Variants in RIMBP2 observed in about 807,000 individuals in gnomAD.
RIMBP2 encodes the protein RIMS-binding protein 2.
Under a neutral mutation model 118.6 loss-of-function variants are expected in RIMBP2, and 48 were observed. The ratio of observed to expected loss-of-function variants is 0.40; its 90% confidence interval spans 0.32 to 0.51. RIMBP2 has a LOEUF of 0.51. Among genes scored for constraint, RIMBP2 ranks in the 20% least tolerant of loss-of-function variants. RIMBP2 has a pLI of 0.41. For missense variants in RIMBP2, 1,551 were observed against 1,768.3 expected (o/e 0.88, Z 2.20); for synonymous variants, 762 against 742.9 (o/e 1.03, Z -0.42).
At chr12:130,547,118 T>C (rs967248268) in intron 2 of RIMBP2, among the ~76,000 whole-genome samples, 10 of 152,246 alleles carry the variant, frequency 6.6e-5, no homozygotes, top group African/African-American at 2.2e-4. Context: ...CTGTTTCTTA[T>C]GTCTGTGTCT....
intron 2 of RIMBP2, among the ~76,000 whole-genome samples, chr12:130,595,466 C>T (rs1007046809): frequency 2.6e-5 from 4 of 152,176 alleles, no homozygotes; most frequent in East Asian, 1.9e-4. Context: ...AGGAGAATGG[C>T]GTGAACCCAG....
At chr12:130,579,278 A>G (rs1269778925) in intron 2 of RIMBP2, among the ~76,000 whole-genome samples, 1 of 152,110 alleles carries the variant, frequency 6.6e-6, no homozygotes, top group African/African-American at 2.4e-5. Flanking sequence ...TGTGGTTTGG[A>G]CTAGGTGTCT....
At chr12:130,512,951 G>A (rs1233011563) in intron 3 of RIMBP2, among the ~76,000 whole-genome samples, 2 of 152,038 alleles carry the variant, frequency 1.3e-5, no homozygotes, top group Non-Finnish European at 2.9e-5. Context: ...ATGTCTATGT[G>A]TGTCATCCTT....
intron 5 of RIMBP2, among the ~76,000 whole-genome samples, chr12:130,473,013 C>T (rs1352926891): frequency 1.3e-5 from 2 of 152,072 alleles, no homozygotes; most frequent in African/African-American, 4.8e-5. Flanking sequence ...ATAAATGATG[C>T]CACCATTGAC....
chr12:130,675,109 C>T (rs2064392015), intron 1 of RIMBP2, among the ~76,000 whole-genome samples: 4 of 152,204 alleles, frequency 2.6e-5, no homozygotes, highest in African/African-American at 9.7e-5. Context: ...CAAAAGGGCA[C>T]AGCCGGGACT....
At chr12:130,432,165 T>A (rs1363424303) in intron 14 of RIMBP2, 1 of 451,958 alleles carries the variant, frequency 2.2e-6, no homozygotes. Flanking sequence ...GGGAAGGTGA[T>A]GATTCACTCC....
intron 1 of RIMBP2, among the ~76,000 whole-genome samples, chr12:130,662,113 C>A (rs1354078188): frequency 6.6e-6 from 1 of 152,058 alleles, no homozygotes; most frequent in East Asian, 1.9e-4. Flanking sequence ...GCACTCCCTC[C>A]CAGGTGCATT....
chr12:130,418,163 T>C (rs932639494), intron 17 of RIMBP2, among the ~76,000 whole-genome samples: 1 of 152,236 alleles, frequency 6.6e-6, no homozygotes, highest in Non-Finnish European at 1.5e-5. Context: ...CAGGAAAGGT[T>C]GAATTTTAAA....
rs151164454 is a variant in RIMBP2, at chr12:130,523,455, G to A, written c.-216-5538C>T. Among the ~76,000 whole-genome samples the A allele has an allele frequency of 9.1e-4, 139 of 152,304 alleles. 1 individual carries two copies. The highest frequency in any genetic ancestry group is 3.2e-3 in the African/African-American group (131 of 41,556). ...AGTGTATAGCCTCTGCTAAAGCAACGAGACATGGACAGGAGCCTTCACAGT... is the reference window on the plus strand; with the variant it reads ...AGTGTATAGCCTCTGCTAAAGCAACAAGACATGGACAGGAGCCTTCACAGT... On this transcript the variant is annotated intron_variant, in intron 2 of 22. Transcript: ENST00000690449. The surrounding 1 kb of genome is among the most constrained non-coding windows in gnomAD (Gnocchi z 4.4).
At chr12:130,663,960 C>A (rs773569534) in intron 1 of RIMBP2, among the ~76,000 whole-genome samples, 1 of 151,670 alleles carries the variant, frequency 6.6e-6, no homozygotes, top group Non-Finnish European at 1.5e-5. Flanking sequence ...AAGAACTGTG[C>A]AGGACCTGAG....
chr12:130,585,431 A>G (rs1342000753), intron 2 of RIMBP2, among the ~76,000 whole-genome samples: 1 of 152,074 alleles, frequency 6.6e-6, no homozygotes, highest in Non-Finnish European at 1.5e-5. Flanking sequence ...CACACATGAA[A>G]ATGGAAAATG....
intron 6 of RIMBP2, among the ~76,000 whole-genome samples, chr12:130,461,156 C>T (rs1193331886): frequency 8.5e-5 from 13 of 152,290 alleles, no homozygotes; most frequent in African/African-American, 2.6e-4. Context: ...GCCCTAGCCA[C>T]ACTGCCCTGC....
At chr12:130,418,442 TGGA>T (rs1411114798) in intron 17 of RIMBP2, among the ~76,000 whole-genome samples, 1 of 152,002 alleles carries the variant, frequency 6.6e-6, no homozygotes, top group Non-Finnish European at 1.5e-5. Context: ...GGGATGATGG[TGGA>T]GAACAGCTGT....
At chr12:130,480,763 G>A (rs1593462983) in intron 4 of RIMBP2, among the ~76,000 whole-genome samples, 1 of 152,218 alleles carries the variant, frequency 6.6e-6, no homozygotes, top group East Asian at 1.9e-4. Context: ...ACCATGCTGG[G>A]CTAATTTTTG....
At chr12:130,706,825 T>C (rs1486814946) in intron 1 of RIMBP2, among the ~76,000 whole-genome samples, 1 of 152,152 alleles carries the variant, frequency 6.6e-6, no homozygotes, top group Non-Finnish European at 1.5e-5. Flanking sequence ...ACCAAAATTA[T>C]CATGCAGTGA....
In RIMBP2 at chr12:130,424,499, CCCA is replaced by C; in HGVS notation, c.2769_2771del (p.Cys923_Gly924delinsTrp). 4.9e-6 allele frequency: 6 copies of C among 1,232,086 alleles called. No individual in the cohort carries two copies. The highest frequency in any genetic ancestry group is 5.1e-6 in the Non-Finnish European group (5 of 987,872). 76.3% of individuals were successfully genotyped at this position (1,232,086 alleles called of 1,614,324 possible). A position where few individuals can be genotyped will look rare whatever the true frequency, so the allele number is the denominator to read the frequency against. ...CAAACCGCGACTCGTCCTCTTCACTCCCACAGTCCAGGCCGCTGTCCGGGCTCC... is the reference window on the plus strand; with the variant it reads ...CAAACCGCGACTCGTCCTCTTCACTCCAGTCCAGGCCGCTGTCCGGGCTCC... On this transcript the variant is annotated inframe_deletion, in exon 16 of 23. Transcript: ENST00000690449. The surrounding 1 kb of genome is among the most constrained non-coding windows in gnomAD (Gnocchi z 9.8).
intron 1 of RIMBP2, among the ~76,000 whole-genome samples, chr12:130,645,866 T>C (rs997130558): frequency 2.6e-5 from 4 of 152,288 alleles, no homozygotes; most frequent in African/African-American, 7.2e-5. Context: ...ACCAACTCTT[T>C]ACAGTTTAGT....
intron 2 of RIMBP2, among the ~76,000 whole-genome samples, chr12:130,614,512 G>C (rs1249573047): frequency 6.6e-6 from 1 of 152,140 alleles, no homozygotes; most frequent in African/African-American, 2.4e-5. Flanking sequence ...TTGATTCCTG[G>C]AGTCTTTCTG....
At position 130,424,923 on chromosome 12, in the gene RIMBP2, CA is replaced by C. The variant is rs1252330389; in HGVS notation, c.2413-66del. 1.8e-5 allele frequency: 18 copies of C among 994,180 alleles called. No homozygotes were observed. The highest frequency in any genetic ancestry group is 4.3e-5 in the Admixed American group (1 of 23,262). 61.6% of individuals were successfully genotyped at this position (994,180 alleles called of 1,614,324 possible). A position where few individuals can be genotyped will look rare whatever the true frequency, so the allele number is the denominator to read the frequency against. Reference sequence around the variant, plus strand: ...TGTGTGGTCAGCATGAAGTGGGGGCCAGGGGAGGAAAGAAAATACAGACAGA... The same window carrying C: ...TGTGTGGTCAGCATGAAGTGGGGGCCGGGGAGGAAAGAAAATACAGACAGA... On this transcript the variant is annotated intron_variant, in intron 15 of 22. Coordinates refer to ENST00000690449, the MANE Select transcript of RIMBP2 (RefSeq NM_001393629.1). The surrounding 1 kb of genome is among the most constrained non-coding windows in gnomAD (Gnocchi z 9.8).
Sources: allele counts gnomAD v4.1 joint callset (sites outside exome capture counted in the v4.1 genomes callset), GRCh38; gene constraint gnomAD v4.1.1; non-coding constraint Gnocchi (gnomAD v3.1); transcripts MANE v1.5; gene names NCBI Gene and HGNC (gene_info 2026-07-23, HGNC 2026-07-21).